The following TMCC1 variants were observed in gnomAD, a reference collection of about 807,000 sequenced individuals.
TMCC1 encodes the protein transmembrane and coiled-coil domains protein 1.
TMCC1 carries 15 observed loss-of-function variants against 52.4 expected under a neutral mutation model. The observed-to-expected ratio is 0.29, with a 90% CI of 0.19 to 0.44. The LOEUF is 0.44. Ranked by LOEUF, TMCC1 falls within the 20% of genes least tolerant of loss-of-function variation. The pLI is 1.00. For missense variants in TMCC1, 503 were observed against 806.0 expected (o/e 0.62, Z 4.55); for synonymous variants, 279 against 301.9 (o/e 0.92, Z 0.79).
intron 4 of TMCC1, among the ~76,000 whole-genome samples, chr3:129,818,524 T>TC: frequency 2.3e-3 from 3 of 1,330 alleles, no homozygotes; most frequent in African/African-American, 4.6e-3. Flanking sequence ...AAGAAAAGTT[T>TC]TAAAGAAACT....
chr3:129,758,021 C>T (rs2107669469), intron 4 of TMCC1, among the ~76,000 whole-genome samples: 1 of 152,204 alleles, frequency 6.6e-6, no homozygotes. Context: ...AAAAATGAAT[C>T]TACCTTTAAT....
intron 4 of TMCC1, among the ~76,000 whole-genome samples, chr3:129,691,321 G>A (rs2047015301): frequency 6.6e-6 from 1 of 152,198 alleles, no homozygotes; most frequent in African/African-American, 2.4e-5. Context: ...GGCTGAGGTG[G>A]GCAGATCACT....
At chr3:129,814,887 G>A (rs1320050694) in intron 4 of TMCC1, among the ~76,000 whole-genome samples, 1 of 152,148 alleles carries the variant, frequency 6.6e-6, no homozygotes, top group Non-Finnish European at 1.5e-5. Flanking sequence ...CAACATCAGA[G>A]CTCCCAAGTA....
intron 5 of TMCC1, among the ~76,000 whole-genome samples, chr3:129,666,878 A>G (rs1158134645): frequency 6.6e-6 from 1 of 152,014 alleles, no homozygotes; most frequent in African/African-American, 2.4e-5. Context: ...CAGCAAGGCA[A>G]CATAGCAAGA....
chr3:129,694,424 C>A (rs968934862), intron 4 of TMCC1, among the ~76,000 whole-genome samples: 2 of 152,254 alleles, frequency 1.3e-5, no homozygotes, highest in Admixed American at 1.3e-4. Context: ...ACCTGAGTAA[C>A]TTCAGCGTGC....
intron 4 of TMCC1, among the ~76,000 whole-genome samples, chr3:129,731,015 T>G (rs530647531): frequency 3.7e-4 from 57 of 152,324 alleles, no homozygotes; most frequent in African/African-American, 1.3e-3. Flanking sequence ...GAAGCCAGCA[T>G]TATCCAGGAA....
chr3:129,816,919 C>T (rs1231584384), intron 4 of TMCC1, among the ~76,000 whole-genome samples: 1 of 151,892 alleles, frequency 6.6e-6, no homozygotes, highest in Non-Finnish European at 1.5e-5. Context: ...GTCCCAGCTA[C>T]TAGGGAGGGT....
intron 4 of TMCC1, among the ~76,000 whole-genome samples, chr3:129,735,361 G>A (rs902100380): frequency 6.6e-6 from 1 of 152,078 alleles, no homozygotes; most frequent in African/African-American, 2.4e-5. Flanking sequence ...CAAGCTAAAA[G>A]GGGCCAGGTG....
rs545661010 is a variant in TMCC1, at chr3:129,835,645, A to G, written c.-183-2819T>C. On this transcript the variant is annotated intron_variant, in intron 2 of 6. Transcript: ENST00000393238. ...AGCAATCTGCAATATGTTTTTAAAA[A>G]GTGTATTTATTTAAAAAATCCAAAG... is the stretch of plus-strand genomic sequence containing the variant. Among the ~76,000 whole-genome samples the G allele has an allele frequency of 7.2e-5, 11 of 152,318 alleles. No homozygotes were observed. The South Asian group carries it at 2.3e-3, about 32-fold the overall frequency.
chr3:129,702,872 T>C (rs1455633183), intron 4 of TMCC1, among the ~76,000 whole-genome samples: 1 of 152,038 alleles, frequency 6.6e-6, no homozygotes, highest in Non-Finnish European at 1.5e-5. Flanking sequence ...AAAAATTAGC[T>C]GGGCGTGATA....
Position 129,882,342 on chromosome 3 carries a change from T to TA in TMCC1, c.-434-1784dup, listed in dbSNP as rs372196917. On this transcript the variant is annotated intron_variant, in intron 1 of 6. Coordinates refer to ENST00000393238, the MANE Select transcript of TMCC1 (RefSeq NM_001017395.5). The stretch of plus-strand genomic sequence containing the variant: ...CATACCCATTAGGGATAGCTATGAT[T>TA]AAAAAAAAAAAACAGAAAACAACAA... Among the ~76,000 whole-genome samples the TA allele has an allele frequency of 7.8e-3, 1,124 of 143,404 alleles. 17 individuals carry two copies. Among genetic ancestry groups the TA allele is most frequent in the African/African-American group, 0.023 (905 of 39,486 alleles). The allele number at this position is 143,404 out of a possible 152,430, so 94.1% of individuals were successfully genotyped here.
chr3:129,711,130 C>T (rs2048651750), intron 4 of TMCC1, among the ~76,000 whole-genome samples: 1 of 152,218 alleles, frequency 6.6e-6, no homozygotes, highest in East Asian at 1.9e-4. Flanking sequence ...TCCCAAAGTA[C>T]TAGGATTACA....
chr3:129,705,488 C>T (rs999694004), intron 4 of TMCC1, among the ~76,000 whole-genome samples: 1 of 152,238 alleles, frequency 6.6e-6, no homozygotes, highest in Non-Finnish European at 1.5e-5. Context: ...TTTCACAAAA[C>T]ATGACTCATT....
chr3:129,809,371 T>C (rs572925471), intron 4 of TMCC1, among the ~76,000 whole-genome samples: 5 of 152,262 alleles, frequency 3.3e-5, no homozygotes, highest in African/African-American at 9.6e-5. Flanking sequence ...ACTCCTAGTG[T>C]TGGAAAGCAG....
At chr3:129,722,700 T>A (rs1481860441) in intron 4 of TMCC1, among the ~76,000 whole-genome samples, 1 of 152,182 alleles carries the variant, frequency 6.6e-6, no homozygotes, top group Non-Finnish European at 1.5e-5. Flanking sequence ...CTCCTATGAA[T>A]CCTTTCCTTC....
intron 4 of TMCC1, among the ~76,000 whole-genome samples, chr3:129,776,924 T>C (rs2055085140): frequency 6.6e-6 from 1 of 152,178 alleles, no homozygotes; most frequent in African/African-American, 2.4e-5. Flanking sequence ...CATAAGCTAC[T>C]GTACCCAACC....
intron 4 of TMCC1, among the ~76,000 whole-genome samples, chr3:129,792,815 G>T (rs944348778): frequency 6.6e-6 from 1 of 152,118 alleles, no homozygotes; most frequent in African/African-American, 2.4e-5. Context: ...CTACATCTTT[G>T]AGTGTTTTTA....
rs1181322167 is a variant in TMCC1, at chr3:129,680,909, A to G, written c.577-9645T>C. ...AGCAAGACTCTGTCTCAAAAAAAAA[A>G]AAAAGGAAGAAAAAGTTAGACTCTG... On this transcript the variant is annotated intron_variant, in intron 4 of 6. Coordinates refer to ENST00000393238, the MANE Select transcript of TMCC1 (RefSeq NM_001017395.5). Among the ~76,000 whole-genome samples the G allele has an allele frequency of 1.3e-5, 2 of 152,026 alleles. 1 individual carries two copies. The highest frequency in any genetic ancestry group is 2.9e-5 in the Non-Finnish European group (2 of 68,004).
intron 4 of TMCC1, among the ~76,000 whole-genome samples, chr3:129,775,174 G>T (rs6763975): frequency 0.33 from 49,554 of 151,978 alleles, 10,560 homozygotes; most frequent in Non-Finnish European, 0.47. Context: ...GCTGGGTGTG[G>T]TGGCTCACAT....
Sources: gnomAD v4.1 joint callset for allele counts (sites outside exome capture counted in the v4.1 genomes callset) on GRCh38, gnomAD v4.1.1 for gene constraint, MANE v1.5 for transcripts, NCBI Gene and HGNC (gene_info 2026-07-23, HGNC 2026-07-21) for gene names.